The following SNX9 variants were observed in gnomAD, a reference collection of about 807,000 sequenced individuals.
The protein encoded by SNX9 is sorting nexin-9.
Under a neutral mutation model 89.4 loss-of-function variants are expected in SNX9, and 44 were observed. The observed-to-expected ratio is 0.49, with a 90% CI of 0.39 to 0.63. SNX9 has a LOEUF of 0.63. Ranked by LOEUF, SNX9 falls within the 30% of genes least tolerant of loss-of-function variation. The probability of loss-of-function intolerance (pLI) is 0.00; values close to 1 mark genes in which losing one functional copy is unlikely to be tolerated. For synonymous variants in SNX9, 236 were observed against 247.8 expected (o/e 0.95, Z 0.45); for missense variants, 578 against 736.1 (o/e 0.79, Z 2.49).
chr6:157,927,398 C>T (rs943572446), intron 11 of SNX9, among the ~76,000 whole-genome samples, 184 bp downstream of exon 11: 1 of 152,110 alleles, frequency 6.6e-6, no homozygotes, highest in African/African-American at 2.4e-5. Flanking sequence ...TCTTTCTAAC[C>T]GCAACATCAA....
intron 6 of SNX9, among the ~76,000 whole-genome samples, chr6:157,905,778 G>T (rs1300769262): frequency 6.6e-6 from 1 of 152,214 alleles, no homozygotes; most frequent in Non-Finnish European, 1.5e-5. Flanking sequence ...GGCCAACTCA[G>T]ATTGGCGTGC....
At chr6:157,828,802 A>G (rs537593710) in intron 1 of SNX9, among the ~76,000 whole-genome samples, 7 of 152,124 alleles carry the variant, frequency 4.6e-5, no homozygotes, top group Non-Finnish European at 1.0e-4. Context: ...GCGTCTAAGC[A>G]TCACTTCCCC....
chr6:157,886,759 A>G (rs1193783953), intron 4 of SNX9, among the ~76,000 whole-genome samples: 1 of 152,170 alleles, frequency 6.6e-6, no homozygotes, highest in East Asian at 1.9e-4. Flanking sequence ...GTAAGAAGTT[A>G]TTTTATAGCT....
intron 1 of SNX9, among the ~76,000 whole-genome samples, chr6:157,864,006 T>C (rs1488936294): frequency 6.6e-6 from 1 of 152,206 alleles, no homozygotes; most frequent in Non-Finnish European, 1.5e-5. Flanking sequence ...TTATAAACAT[T>C]TTTCTGTGAA....
chr6:157,838,270 C>G (rs751812274), intron 1 of SNX9, among the ~76,000 whole-genome samples: 2 of 152,048 alleles, frequency 1.3e-5, no homozygotes, highest in Non-Finnish European at 2.9e-5. Context: ...ACCTCAGCCT[C>G]CCAAAGTGCT....
intron 2 of SNX9, among the ~76,000 whole-genome samples, chr6:157,871,443 G>A (rs1055990840): frequency 6.6e-6 from 1 of 152,030 alleles, no homozygotes. Context: ...TATGCTAGGT[G>A]TGCATGTTCT....
At chr6:157,899,083 G>A (rs1475476308) in intron 5 of SNX9, among the ~76,000 whole-genome samples, 2 of 151,866 alleles carry the variant, frequency 1.3e-5, no homozygotes, top group Non-Finnish European at 2.9e-5. Flanking sequence ...AGCCCACAGG[G>A]GAGGAAGGAG....
intron 4 of SNX9, among the ~76,000 whole-genome samples, chr6:157,885,555 A>C (rs995242879): frequency 6.6e-6 from 1 of 152,216 alleles, no homozygotes; most frequent in Non-Finnish European, 1.5e-5. Context: ...TGGTTTAAGA[A>C]TCAGATATTA....
chr6:157,864,552 A>T (rs1449381752), intron 1 of SNX9, among the ~76,000 whole-genome samples: 1 of 152,194 alleles, frequency 6.6e-6, no homozygotes, highest in Non-Finnish European at 1.5e-5. Context: ...CTGGATTTTT[A>T]AAAATTTCAG....
chr6:157,929,833 G>A (rs1214002486), intron 12 of SNX9, among the ~76,000 whole-genome samples: 1 of 152,240 alleles, frequency 6.6e-6, no homozygotes, highest in South Asian at 2.1e-4. Context: ...AGATAGCACA[G>A]CAAAGACAAT....
intron 1 of SNX9, among the ~76,000 whole-genome samples, chr6:157,866,960 T>G (rs543215794): frequency 5.9e-5 from 9 of 151,920 alleles, no homozygotes; most frequent in South Asian, 2.1e-4. Context: ...TTGTTTGTTT[T>G]TTTAAGAGAC....
At chr6:157,872,541 T>C (rs9347727) in intron 2 of SNX9, 14,420 of 152,540 alleles carry the variant, frequency 0.095, 982 homozygotes, top group African/African-American at 0.19. Context: ...GCCTCACTCA[T>C]GAGTCTGCCA....
intron 1 of SNX9, among the ~76,000 whole-genome samples, chr6:157,833,340 T>G (rs1383157138): frequency 6.6e-6 from 1 of 152,174 alleles, no homozygotes; most frequent in Non-Finnish European, 1.5e-5. Context: ...CTAAAGCAGA[T>G]TCCCAAACTT....
At chr6:157,936,908 A>G (rs1783937269) in intron 14 of SNX9, among the ~76,000 whole-genome samples, 1 of 152,208 alleles carries the variant, frequency 6.6e-6, no homozygotes, top group African/African-American at 2.4e-5. Context: ...ATGACTTTAA[A>G]CTATGTGTAT....
intron 4 of SNX9, among the ~76,000 whole-genome samples, chr6:157,883,037 G>A (rs1448709772): frequency 6.6e-6 from 1 of 152,054 alleles, no homozygotes; most frequent in Non-Finnish European, 1.5e-5. Flanking sequence ...AGACTTCATT[G>A]TCTTGTTTTA....
At chr6:157,851,539 T>C (rs1363834885) in intron 1 of SNX9, among the ~76,000 whole-genome samples, 1 of 152,184 alleles carries the variant, frequency 6.6e-6, no homozygotes, top group Non-Finnish European at 1.5e-5. Context: ...CATTCTACTT[T>C]CTGGCTTCAT....
At chr6:157,887,797 AC>A (rs1414383023) in intron 4 of SNX9, among the ~76,000 whole-genome samples, 3 of 152,166 alleles carry the variant, frequency 2.0e-5, no homozygotes, top group African/African-American at 7.2e-5. Flanking sequence ...GAATAATACC[AC>A]CGCTTATTTC....
intron 14 of SNX9, 139 bp from the exon 15 acceptor site, chr6:157,937,295 A>G: frequency 2.0e-6 from 1 of 496,700 alleles, no homozygotes; most frequent in Non-Finnish European, 3.5e-6. Context: ...TTTCTTTTAG[A>G]AAAAGTGATC....
intron 4 of SNX9, among the ~76,000 whole-genome samples, chr6:157,881,882 C>T (rs527280313): frequency 2.0e-5 from 3 of 152,260 alleles, no homozygotes; most frequent in East Asian, 1.9e-4. Context: ...TAAAAGTGCA[C>T]GGTGAAGCAG....
Sources: gnomAD v4.1 joint callset for allele counts (sites outside exome capture counted in the v4.1 genomes callset) on GRCh38, gnomAD v4.1.1 for gene constraint, MANE v1.5 for transcripts, NCBI Gene and HGNC (gene_info 2026-07-23, HGNC 2026-07-21) for gene names.